The following ARAP2 variants were observed in gnomAD, a reference collection of about 807,000 sequenced individuals.
The protein encoded by ARAP2 is arf-GAP with Rho-GAP domain, ANK repeat and PH domain-containing protein 2.
Under a neutral mutation model 194.5 loss-of-function variants are expected in ARAP2, and 148 were observed. The observed-to-expected ratio is 0.76, with a 90% CI of 0.67 to 0.87. ARAP2 has a LOEUF of 0.87. Among genes scored for constraint, ARAP2 ranks in the 40% least tolerant of loss-of-function variants. The pLI, the probability that ARAP2 is intolerant of heterozygous loss-of-function variation, is 0.00. For synonymous variants in ARAP2, 695 were observed against 683.5 expected (o/e 1.02, Z -0.26); for missense variants, 2,128 against 1,989.7 (o/e 1.07, Z -1.32).
intron 28 of ARAP2, among the ~76,000 whole-genome samples, chr4:36,084,126 C>T (rs1464695601): frequency 1.3e-5 from 2 of 151,996 alleles, no homozygotes; most frequent in East Asian, 1.9e-4. Flanking sequence ...TTTTGGAACT[C>T]GGACTGAGCC....
intron 1 of ARAP2, among the ~76,000 whole-genome samples, chr4:36,231,283 C>T (rs1051902851): frequency 6.6e-6 from 1 of 152,038 alleles, no homozygotes; most frequent in African/African-American, 2.4e-5. Flanking sequence ...TTGCAGTAAG[C>T]CGAGATGGTG....
chr4:36,200,955 C>T (rs1744243325), intron 6 of ARAP2, among the ~76,000 whole-genome samples: 2 of 152,198 alleles, frequency 1.3e-5, no homozygotes, highest in African/African-American at 2.4e-5. Flanking sequence ...ACAATGCCTT[C>T]TTAGCCTATG....
chr4:36,046,220 G>A (rs1721809085), intron 4 of ARAP2: 1 of 154,250 alleles, frequency 6.5e-6, no homozygotes, highest in African/African-American at 2.4e-5. Flanking sequence ...GTCTTGCTCT[G>A]TCACCCAGGC....
chr4:36,038,332 G>A (rs75459207), intron 5 of ARAP2, among the ~76,000 whole-genome samples: 1,643 of 152,208 alleles, frequency 0.011, 34 homozygotes, highest in African/African-American at 0.038. Context: ...AAAGGATCAG[G>A]GAATAATGGA....
At chr4:36,181,062 G>A (rs1385878911) in intron 8 of ARAP2, among the ~76,000 whole-genome samples, 1 of 152,212 alleles carries the variant, frequency 6.6e-6, no homozygotes, top group East Asian at 1.9e-4. Flanking sequence ...CAAGAGTCTA[G>A]GGTAAAGTTA....
At chr4:36,149,204 T>C (rs555312342) in intron 16 of ARAP2, among the ~76,000 whole-genome samples, 4 of 152,244 alleles carry the variant, frequency 2.6e-5, no homozygotes, top group Admixed American at 2.0e-4. Flanking sequence ...CCCAAGCCTG[T>C]TGTATCCCCT....
intron 13 of ARAP2, chr4:36,160,075 A>C: frequency 1.0e-6 from 1 of 986,696 alleles, no homozygotes; most frequent in Non-Finnish European, 1.2e-6. Flanking sequence ...TCTTTGTACA[A>C]ACAATAGGAA....
At chr4:36,203,340 T>G (rs1578261087) in intron 6 of ARAP2, among the ~76,000 whole-genome samples, 1 of 151,628 alleles carries the variant, frequency 6.6e-6, no homozygotes, top group Non-Finnish European at 1.5e-5. Context: ...ATCCAGCATT[T>G]TGGGAGACCT....
chr4:36,173,457 AC>A (rs1475814888), intron 9 of ARAP2, among the ~76,000 whole-genome samples: 1 of 152,198 alleles, frequency 6.6e-6, no homozygotes, highest in East Asian at 1.9e-4. Flanking sequence ...TCAGCTTTGA[AC>A]AGATTAAAAA....
At chr4:36,136,030 TC>T (rs1470515499) in intron 19 of ARAP2, among the ~76,000 whole-genome samples, 1 of 151,780 alleles carries the variant, frequency 6.6e-6, no homozygotes, top group Non-Finnish European at 1.5e-5. Flanking sequence ...AGTAGAACTT[TC>T]TCAACTTGTC....
At chr4:36,184,698 C>T (rs1025863770) in intron 8 of ARAP2, among the ~76,000 whole-genome samples, 1 of 152,138 alleles carries the variant, frequency 6.6e-6, no homozygotes, top group Non-Finnish European at 1.5e-5. Flanking sequence ...TTTAGTGTGT[C>T]TATCTTAAAA....
At chr4:36,120,470 G>A (rs755765789) in intron 23 of ARAP2, among the ~76,000 whole-genome samples, 5 of 151,438 alleles carry the variant, frequency 3.3e-5, no homozygotes, top group Middle Eastern at 3.2e-3. Flanking sequence ...CCATACTTCC[G>A]GAAAACAACT....
chr4:36,120,602 T>A (rs933262711), intron 23 of ARAP2, among the ~76,000 whole-genome samples: 3 of 151,636 alleles, frequency 2.0e-5, no homozygotes, highest in Non-Finnish European at 4.4e-5. Context: ...AATCCTGGGC[T>A]TATTTCCCCT....
intron 27 of ARAP2, among the ~76,000 whole-genome samples, chr4:36,104,076 G>C (rs1186407625): frequency 2.0e-5 from 3 of 151,812 alleles, no homozygotes; most frequent in Admixed American, 6.6e-5. Context: ...GTGGCAATTA[G>C]GTATCTAATG....
chr4:36,091,624 A>AT (rs761071321), intron 28 of ARAP2, among the ~76,000 whole-genome samples: 83 of 152,256 alleles, frequency 5.5e-4, no homozygotes, highest in Admixed American at 1.6e-3. Flanking sequence ...TTTATAATAC[A>AT]TATTAGACTT....
At chr4:36,238,395 G>A (rs374000739) in intron 1 of ARAP2, among the ~76,000 whole-genome samples, 61 of 152,228 alleles carry the variant, frequency 4.0e-4, no homozygotes, top group African/African-American at 1.0e-3. Context: ...TGAATGTCAC[G>A]CAATAGATAA....
intron 15 of ARAP2, among the ~76,000 whole-genome samples, chr4:36,151,614 G>T (rs1730990002): frequency 6.6e-6 from 1 of 152,086 alleles, no homozygotes; most frequent in South Asian, 2.1e-4. Flanking sequence ...CTATATATTA[G>T]ATAATTTCTG....
chr4:36,229,133 C>G lies in ARAP2; in HGVS notation c.354G>C (p.Pro118=), dbSNP rs558348606. The G allele has an allele frequency of 6.2e-7, 1 of 1,614,058 alleles. No individual in the cohort carries two copies. The highest frequency in any genetic ancestry group is 8.5e-7 in the Non-Finnish European group (1 of 1,179,994). The change falls in exon 2 of 33, where the codon CCG becomes CCC. Residue 118 remains proline, a synonymous_variant. Transcript: ENST00000303965. ...GATTTTTTCTAACAGTCTCCAACTGCGGTGGGCTAGATGTCTGAACACTAC... is the reference window on the plus strand; with the variant it reads ...GATTTTTTCTAACAGTCTCCAACTGGGGTGGGCTAGATGTCTGAACACTAC... ...NSGSVQTSSP[P]QLETVRKNLE... is the part of the protein sequence containing the mutation.
chr4:36,150,875 C>T (rs376472043), intron 16 of ARAP2, 25 bp downstream of exon 16: 6 of 1,599,336 alleles, frequency 3.8e-6, no homozygotes, highest in Non-Finnish European at 5.1e-6. Context: ...CCTTTTACCT[C>T]CTAATTGTGT....
Sources: gnomAD v4.1 joint callset for allele counts (sites outside exome capture counted in the v4.1 genomes callset) on GRCh38, gnomAD v4.1.1 for gene constraint, MANE v1.5 for transcripts, NCBI Gene and HGNC (gene_info 2026-07-23, HGNC 2026-07-21) for gene names.